The following VSIG2 variants were observed in gnomAD, a reference collection of about 807,000 sequenced individuals.
VSIG2 encodes the protein V-set and immunoglobulin domain-containing protein 2.
VSIG2 carries 30 observed loss-of-function variants against 29.4 expected under a neutral mutation model. That is an observed-to-expected ratio of 1.02 (90% CI 0.76 to 1.38). The LOEUF (loss-of-function observed/expected upper bound fraction) is 1.38. Among genes scored for constraint, VSIG2 ranks in the 40% most tolerant of loss-of-function variants. VSIG2 has a pLI of 0.00. For missense variants in VSIG2, 421 were observed against 400.8 expected (o/e 1.05, Z -0.43); for synonymous variants, 178 against 174.2 (o/e 1.02, Z -0.17).
intron 6 of VSIG2, 59 bp downstream of exon 6, chr11:124,748,331 C>T (rs931751399): frequency 2.0e-5 from 30 of 1,523,686 alleles, no homozygotes; most frequent in African/African-American, 9.7e-5. Context: ...TGCAGGCACC[C>T]GCTTTTAACT....
At chr11:124,748,902 CAGA>C (rs1944049121) in intron 4 of VSIG2, 139 bp from the exon 5 acceptor site, 2 of 1,237,814 alleles carry the variant, frequency 1.6e-6, no homozygotes, top group Admixed American at 2.0e-5. Flanking sequence ...GAAACCGGTT[CAGA>C]AGAAGGAAGT....
intron 3 of VSIG2, 29 bp from the exon 4 acceptor site, chr11:124,749,895 A>ACAAAAAAAAAACAAAAAAAAAC (rs766465269): frequency 1.6e-5 from 24 of 1,485,844 alleles, no homozygotes; most frequent in African/African-American, 1.6e-4. Flanking sequence ...AAAAAAAAAA[A>ACAAAAAAAAAACAAAAAAAAAC]CAGAAAGTTC....
chr11:124,748,441 T>C lies in VSIG2; in HGVS notation c.800A>G (p.Gln267Arg). Residue 267 changes from glutamine to arginine, a missense_variant, in exon 6 of 7, where the codon CAG becomes CGG. By Grantham distance (43) the Gln-to-Arg change is conservative. Transcript: ENST00000326621. ...CTTGGGCTTCTTCCCCCTCTCTTTC[T>C]GGAACCTGACCAGGCAGAACGCAGC... Reference protein sequence around the residue: ...SVAAFCLVRFQKERGKKPKET... With the variant: ...SVAAFCLVRFRKERGKKPKET... 3 of 1,614,082 alleles carry C rather than the reference T, an allele frequency of 1.9e-6. No homozygotes were observed. Among genetic ancestry groups the C allele is most frequent in the South Asian group, 1.1e-5 (1 of 91,070 alleles).
At position 124,749,885 on chromosome 11, in the gene VSIG2, A is replaced by AACAAAAAAAAACC. The variant is rs1555108848; in HGVS notation, c.428-20_428-19insGGTTTTTTTTTGT. 9.9e-6 allele frequency: 14 copies of AACAAAAAAAAACC among 1,419,148 alleles called. No individual in the cohort carries two copies. The African/African-American group carries it at 2.6e-4, about 26-fold the overall frequency. 87.9% of individuals were successfully genotyped at this position (1,419,148 alleles called of 1,614,324 possible). A position where few individuals can be genotyped will look rare whatever the true frequency, so the allele number is the denominator to read the frequency against. On this transcript the variant is annotated intron_variant, in intron 3 of 6. Transcript: ENST00000326621. ...GGGGGAACTGCAAAAAAAAAAAAAA[A>AACAAAAAAAAACC]AAAAAAAAAACAGAAAGTTCCTCAG...
chr11:124,747,639 C>T lies in VSIG2; in HGVS notation c.880G>A (p.Glu294Lys). 6.2e-7 allele frequency: 1 copy of T among 1,613,814 alleles called. No individual in the cohort carries two copies. The change falls in exon 7 of 7, where the codon GAG (glutamate) becomes AAG (lysine). Residue 294 changes from glutamate (E) to lysine (K), a missense_variant. Physicochemically the swap from Glu to Lys is moderately conservative, Grantham distance 56 (BLOSUM62 1). Transcript: ENST00000326621. Reference sequence around the variant, plus strand: ...GAATCAGCCCTCATACAAGTGTGCTCAGAGATCCCAGGAGCGATGGCATCC... The same window carrying T: ...GAATCAGCCCTCATACAAGTGTGCTTAGAGATCCCAGGAGCGATGGCATCC... ...REDAIAPGIS[E>K]HTCMRADSSK...
At position 124,750,805 on chromosome 11, in the gene VSIG2, G is replaced by A. The variant is rs140697166; in HGVS notation, c.336C>T (p.His112=). ...AGAGGTAGGTTCCAGTATCTGAGGG[G>A]TGGACGTCAGTCAGTTTCAGTGTGG... The part of the protein sequence containing the change: ...GVATLKLTDV[H]PSDTGTYLCQ... The change falls in exon 3 of 7, where the codon CAC becomes CAT. Residue 112 remains histidine (H), a synonymous_variant. Coordinates refer to ENST00000326621, the MANE Select transcript of VSIG2 (RefSeq NM_014312.5). The A allele has an allele frequency of 7.2e-5, 116 of 1,614,114 alleles. No individual in the cohort carries two copies. The African/African-American group carries it at 1.4e-3, about 20-fold the overall frequency.
chr11:124,751,252 G>C (rs1944082203), intron 2 of VSIG2, among the ~76,000 whole-genome samples, 171 bp downstream of exon 2: 2 of 152,144 alleles, frequency 1.3e-5, no homozygotes, highest in Admixed American at 1.3e-4. Context: ...GAAGAGGAAA[G>C]GAAGATACAC....
rs773675289 is a variant in VSIG2, at chr11:124,748,395, G to T, written c.846C>A (p.Asp282Glu). The T allele has an allele frequency of 5.6e-6, 9 of 1,609,706 alleles. No homozygotes were observed. The highest frequency in any genetic ancestry group is 7.6e-6 in the Non-Finnish European group (9 of 1,178,240). Residue 282 changes from aspartate (D) to glutamate (E), a missense_variant, in exon 6 of 7, where the codon GAC becomes GAA. Physicochemically the swap from Asp to Glu is conservative, Grantham distance 45 (BLOSUM62 2). Coordinates refer to ENST00000326621, the MANE Select transcript of VSIG2 (RefSeq NM_014312.5). ...CCCCCAGCCCTCCTGCTCACCGAAG[G>T]TCACTACCCCCATATGTCTCCTTGG... ...KKPKETYGGS[D>E]LREDAIAPGI...
At chr11:124,751,176 T>C (rs2134453351) in intron 2 of VSIG2, among the ~76,000 whole-genome samples, 1 of 152,136 alleles carries the variant, frequency 6.6e-6, no homozygotes, top group East Asian at 1.9e-4. Context: ...ATTATCTTGG[T>C]ATCAGTCACA....
In VSIG2 at chr11:124,750,737, C is replaced by T. The variant is rs1369743656; in HGVS notation, c.404G>A (p.Gly135Glu). 2.5e-6 allele frequency: 4 copies of T among 1,613,890 alleles called. No individual in the cohort carries two copies. Among genetic ancestry groups the T allele is most frequent in the South Asian group, 2.2e-5 (2 of 91,058 alleles). ...NPPDFYTNGL[G>E]LINLTVLVPP... Reference sequence around the variant, plus strand: ...ACCCAGCACAGTAAGGTTGATTAGCCCCAACCCATTGGTGTAGAAATCTGG... The same window carrying T: ...ACCCAGCACAGTAAGGTTGATTAGCTCCAACCCATTGGTGTAGAAATCTGG... Residue 135 changes from glycine (G) to glutamate (E), a missense_variant, in exon 3 of 7, where the codon GGG (glycine) becomes GAG (glutamate). Gly to Glu is a moderately conservative substitution (Grantham distance 98). Transcript: ENST00000326621.
rs1273091973 is a variant in VSIG2 at position 124,751,549 on chromosome 11, C to T, written c.93G>A (p.Glu31=). 1 of 1,608,828 alleles carries T rather than the reference C, an allele frequency of 6.2e-7. No individual in the cohort carries two copies. The highest frequency in any genetic ancestry group is 8.5e-7 in the Non-Finnish European group (1 of 1,178,670). ...TCTTCCCCAGGGGCGTGCTCAGCGG[C>T]TCTGTGGGTACCTTCACCTCCACGG... ...GLAVEVKVPT[E]PLSTPLGKTA... is the part of the protein sequence containing the mutation. Residue 31 remains glutamate (E), a synonymous_variant, in exon 2 of 7, where the codon GAG becomes GAA. Transcript: ENST00000326621.
chr11:124,748,693 G>C lies in VSIG2; in HGVS notation c.657C>G (p.Ala219=), dbSNP rs759907434. Residue 219 remains alanine, a synonymous_variant, in exon 5 of 7, where the codon GCC becomes GCG. Coordinates refer to ENST00000326621, the MANE Select transcript of VSIG2 (RefSeq NM_014312.5). ...AGGATGCACTGCCCATCTGGTTGGT[G>C]GCCACACAGCGGTAGGTGCCCGAGG... The part of the protein sequence containing the change: ...LTSSGTYRCV[A]TNQMGSASCE... The C allele has an allele frequency of 6.2e-7, 1 of 1,614,190 alleles. No individual in the cohort carries two copies. The highest frequency in any genetic ancestry group is 8.5e-7 in the Non-Finnish European group (1 of 1,180,042).
chr11:124,747,772 C>G, intron 6 of VSIG2, 105 bp from the exon 7 acceptor site: 1 of 1,276,712 alleles, frequency 7.8e-7, no homozygotes, highest in Non-Finnish European at 1.1e-6. Flanking sequence ...TGAGAATAAT[C>G]TGCGGAACTT....
In VSIG2 at chr11:124,748,750, GCCAGACA is replaced by G; in HGVS notation, c.593_599del (p.Val198AlafsTer10). ...GGGAGAGGTTGGTGAGAATGAGCTG[GCCAGACA>G]CCTCATCTAGAGGATGAAGAGGAAG... On this transcript the variant is annotated frameshift_variant, in exon 5 of 7. Transcript: ENST00000326621. LOFTEE classifies it high-confidence loss of function. 6.2e-7 allele frequency: 1 copy of G among 1,614,168 alleles called. No homozygotes were observed. Among genetic ancestry groups the G allele is most frequent in the Middle Eastern group, 1.6e-4 (1 of 6,062 alleles).
At chr11:124,749,509 C>A (rs1324275165) in intron 4 of VSIG2, among the ~76,000 whole-genome samples, 199 bp downstream of exon 4, 1 of 152,088 alleles carries the variant, frequency 6.6e-6, no homozygotes, top group Non-Finnish European at 1.5e-5. Flanking sequence ...TTGAGAAATA[C>A]CCCCAGGATC....
chr11:124,748,544 T>C lies in VSIG2; in HGVS notation c.707-10A>G. 2.5e-6 allele frequency: 4 copies of C among 1,612,708 alleles called. No individual in the cohort carries two copies. The highest frequency in any genetic ancestry group is 3.4e-6 in the Non-Finnish European group (4 of 1,179,250). On this transcript the variant is annotated splice_polypyrimidine_tract_variant and intron_variant, in intron 5 of 6. Transcript: ENST00000326621. Reference sequence around the variant, plus strand: ...CGGCCTTGGGAGGGTTCTAAGGAGATACAGGACCCTCACTCAGAATTGCAG... The same window carrying C: ...CGGCCTTGGGAGGGTTCTAAGGAGACACAGGACCCTCACTCAGAATTGCAG...
chr11:124,748,897 C>A, intron 4 of VSIG2, 134 bp from the exon 5 acceptor site: 1 of 1,289,700 alleles, frequency 7.8e-7, no homozygotes, highest in South Asian at 1.3e-5. Flanking sequence ...GGGAGGAAAC[C>A]GGTTCAGAAG....
At position 124,751,587 on chromosome 11, in the gene VSIG2, C is replaced by A; in HGVS notation, c.62-7G>T. On this transcript the variant is annotated splice_polypyrimidine_tract_variant and splice_region_variant and intron_variant, in intron 1 of 6. Transcript: ENST00000326621. ...TTCACCTCCACGGCCAGCCCTGGGGCCGGGGACCAGAGGGAGGTGGGAACC... is the reference window on the plus strand; with the variant it reads ...TTCACCTCCACGGCCAGCCCTGGGGACGGGGACCAGAGGGAGGTGGGAACC... 6.3e-7 allele frequency: 1 copy of A among 1,578,998 alleles called. No homozygotes were observed. Among genetic ancestry groups the A allele is most frequent in the Non-Finnish European group, 8.6e-7 (1 of 1,164,768 alleles).
At chr11:124,751,275 T>G in intron 2 of VSIG2, 148 bp downstream of exon 2, 2 of 932,434 alleles carry the variant, frequency 2.1e-6, no homozygotes, top group African/African-American at 1.7e-5. Context: ...TCAGGCAGAC[T>G]GCAGCTCTGA....
Sources: gnomAD v4.1 joint callset for allele counts (sites outside exome capture counted in the v4.1 genomes callset) on GRCh38, gnomAD v4.1.1 for gene constraint, MANE v1.5 for transcripts, NCBI Gene and HGNC (gene_info 2026-07-23, HGNC 2026-07-21) for gene names.